The following LARP1 variants were observed in gnomAD, a reference collection of about 807,000 sequenced individuals.
The protein encoded by LARP1 is La ribonucleoprotein 1, translational regulator.
Under a neutral mutation model 122.7 loss-of-function variants are expected in LARP1, and 36 were observed. The ratio of observed to expected loss-of-function variants is 0.29; its 90% CI spans 0.22 to 0.39. The LOEUF is 0.39. Ranked by LOEUF, LARP1 falls within the 10% of genes least tolerant of loss-of-function variation. The pLI is 1.00. For missense variants in LARP1, 1,040 were observed against 1,403.6 expected, an observed-to-expected ratio of 0.74 and a Z score of 4.14; for synonymous variants, 539 against 528.7, an observed-to-expected ratio of 1.02 and a Z score of -0.27.
chr5:154,694,440 A>G (rs765439847), intron 1 of LARP1, among the ~76,000 whole-genome samples: 8 of 150,364 alleles, frequency 5.3e-5, no homozygotes, highest in Middle Eastern at 6.8e-3. Context: ...TTTTTATTTT[A>G]GTAGAGATGA....
chr5:154,748,220 TTTAGCAC>T (rs1230430543), intron 1 of LARP1, among the ~76,000 whole-genome samples: 1 of 152,200 alleles, frequency 6.6e-6, no homozygotes, highest in African/African-American at 2.4e-5. Flanking sequence ...ATAAATATAA[TTTAGCAC>T]TTGGCCTTTG....
At chr5:154,777,134 T>A (rs1232200816) in intron 1 of LARP1, among the ~76,000 whole-genome samples, 3 of 152,154 alleles carry the variant, frequency 2.0e-5, no homozygotes, top group African/African-American at 7.2e-5. Context: ...TACAAACCTG[T>A]GTAGCATGTT....
chr5:154,697,948 C>T (rs1754541191), intron 1 of LARP1, among the ~76,000 whole-genome samples: 1 of 152,098 alleles, frequency 6.6e-6, no homozygotes, highest in African/African-American at 2.4e-5. Flanking sequence ...GCCTCAGTCT[C>T]CCAAGTAGCT....
At chr5:154,792,155 A>G in intron 3 of LARP1, 1 of 341,490 alleles carries the variant, frequency 2.9e-6, no homozygotes, top group African/African-American at 2.1e-5. Flanking sequence ...CTTGGGGCCT[A>G]GCAAAGAGAG....
At chr5:154,692,679 C>T (rs562710603) in intron 1 of LARP1, among the ~76,000 whole-genome samples, 1 of 152,276 alleles carries the variant, frequency 6.6e-6, no homozygotes, top group East Asian at 1.9e-4. Context: ...TCATCATCAC[C>T]TAGGGACCAC....
intron 8 of LARP1, among the ~76,000 whole-genome samples, chr5:154,795,999 T>C (rs1198162237): frequency 2.0e-5 from 2 of 101,038 alleles, no homozygotes; most frequent in Non-Finnish European, 3.7e-5. Context: ...TATATTTTTA[T>C]ATATATTATA....
intron 1 of LARP1, among the ~76,000 whole-genome samples, chr5:154,740,393 C>CAAA (rs538295324): frequency 1.2e-4 from 9 of 73,406 alleles, no homozygotes; most frequent in African/African-American, 3.6e-4. Flanking sequence ...AACTCTGTCT[C>CAAA]AAAAAAAAAA....
chr5:154,701,690 C>G lies in LARP1; in HGVS notation c.-180+18653C>G, dbSNP rs190163887. Among the ~76,000 whole-genome samples, 8 of 149,944 alleles carry G rather than the reference C, an allele frequency of 5.3e-5. No individual in the cohort carries two copies. In the East Asian group the frequency reaches 1.4e-3, roughly 26 times the overall value. ...GGGCTGGAGTGCAGTGGTGTGATCTCAGCTCACTGCAACCTCCGCCTCCCA... is the reference window on the plus strand; with the variant it reads ...GGGCTGGAGTGCAGTGGTGTGATCTGAGCTCACTGCAACCTCCGCCTCCCA... On this transcript the variant is annotated intron_variant, in intron 1 of 18. Coordinates refer to the LARP1 transcript ENST00000687700.
intron 8 of LARP1, among the ~76,000 whole-genome samples, chr5:154,798,444 C>G (rs1004580193): frequency 1.3e-5 from 2 of 152,236 alleles, no homozygotes; most frequent in African/African-American, 4.8e-5. Flanking sequence ...AGATATTCCT[C>G]ATTCCTGTGT....
At chr5:154,784,152 G>A (rs970237484) in intron 1 of LARP1, among the ~76,000 whole-genome samples, 2 of 152,330 alleles carry the variant, frequency 1.3e-5, no homozygotes, top group African/African-American at 4.8e-5. Context: ...GACAAGCAAA[G>A]CCTCTTCTGG....
At chr5:154,707,581 A>T (rs1464334438) in intron 1 of LARP1, among the ~76,000 whole-genome samples, 2 of 152,208 alleles carry the variant, frequency 1.3e-5, no homozygotes, top group Non-Finnish European at 1.5e-5. Context: ...AGCAGTCCTT[A>T]ACCTTTTTGG....
chr5:154,761,225 G>A (rs936477540), intron 1 of LARP1, among the ~76,000 whole-genome samples: 2 of 152,200 alleles, frequency 1.3e-5, no homozygotes, highest in African/African-American at 4.8e-5. Flanking sequence ...CAGGTAGTTT[G>A]AGTTTCATAC....
At chr5:154,796,028 AT>A (rs1382388695) in intron 8 of LARP1, among the ~76,000 whole-genome samples, 4 of 100,034 alleles carry the variant, frequency 4.0e-5, no homozygotes, top group East Asian at 2.4e-4. Flanking sequence ...TATTATATAT[AT>A]TTTTATATAT....
rs1265820983 is a variant in LARP1, at chr5:154,794,173, C to T, written c.1143C>T (p.Asn381=). 2 of 1,614,198 alleles carry T rather than the reference C, an allele frequency of 1.2e-6. No individual in the cohort carries two copies. Among genetic ancestry groups the T allele is most frequent in the East Asian group, 4.5e-5 (2 of 44,888 alleles). ...VEGPRTPKYM[N]NITYYFDNVS... Reference sequence around the variant, plus strand: ...GGCCTCGTACGCCCAAGTACATGAACAACATCACCTACTACTTTGACAATG... The same window carrying T: ...GGCCTCGTACGCCCAAGTACATGAATAACATCACCTACTACTTTGACAATG... Residue 381 remains asparagine, a synonymous_variant, in exon 7 of 19, where the codon AAC becomes AAT. Coordinates refer to ENST00000518297, the MANE Select transcript of LARP1 (RefSeq NM_033551.3).
At chr5:154,704,663 A>T (rs1255238966) in intron 1 of LARP1, among the ~76,000 whole-genome samples, 1 of 151,710 alleles carries the variant, frequency 6.6e-6, no homozygotes, top group Non-Finnish European at 1.5e-5. Flanking sequence ...AAAAAAAAAA[A>T]AAAAGCTTCT....
Position 154,794,087 on chromosome 5 carries a change from G to A in LARP1, c.1070-13G>A, listed in dbSNP as rs182483949. 25 of 1,613,942 alleles carry A rather than the reference G, an allele frequency of 1.5e-5. No homozygotes were observed. Among genetic ancestry groups the A allele is most frequent in the African/African-American group, 4.0e-5 (3 of 75,040 alleles). ...GAATCTCCTCTCCCTCATGGCACCCGTTTCCCCCATAGCCCATTTTGACTA... is the reference window on the plus strand; with the variant it reads ...GAATCTCCTCTCCCTCATGGCACCCATTTCCCCCATAGCCCATTTTGACTA... On this transcript the variant is annotated splice_polypyrimidine_tract_variant and intron_variant, in intron 6 of 18. Coordinates refer to ENST00000518297, the MANE Select transcript of LARP1 (RefSeq NM_033551.3).
At chr5:154,695,831 C>G (rs534420512) in intron 1 of LARP1, among the ~76,000 whole-genome samples, 67 of 151,858 alleles carry the variant, frequency 4.4e-4, no homozygotes, top group African/African-American at 1.6e-3. Flanking sequence ...CAAGATCGTG[C>G]CGCTGCACTC....
rs1210469620 is a variant in LARP1 at position 154,756,159 on chromosome 5, G to A, written c.402G>A (p.Pro134=). 2 of 1,314,300 alleles carry A rather than the reference G, an allele frequency of 1.5e-6. No individual in the cohort carries two copies. Among genetic ancestry groups the A allele is most frequent in the South Asian group, 1.2e-5 (1 of 84,140 alleles). 81.4% of individuals were successfully genotyped at this position (1,314,300 alleles called of 1,614,324 possible). The change falls in exon 1 of 19, where the codon CCG becomes CCA. Residue 134 remains proline, a synonymous_variant. Transcript: ENST00000518297. ...VNPWTKNALP[P]VLTTVNGQSP... ...CGTGGACTAAGAACGCATTGCCGCC[G>A]GTCCTGACCACCGTGAACGGACAGT...
At position 154,811,249 on chromosome 5, in the gene LARP1, A is replaced by G. The variant is rs761285932; in HGVS notation, c.2846A>G (p.Tyr949Cys). 6.2e-7 allele frequency: 1 copy of G among 1,613,240 alleles called. No homozygotes were observed. Among genetic ancestry groups the G allele is most frequent in the Non-Finnish European group, 8.5e-7 (1 of 1,179,170 alleles). Residue 949 changes from tyrosine (Y) to cysteine (C), a missense_variant and splice_region_variant, in exon 17 of 19, where the codon TAT (tyrosine) becomes TGT (cysteine). Tyr to Cys is a radical substitution (Grantham distance 194, BLOSUM62 -2). Coordinates refer to ENST00000518297, the MANE Select transcript of LARP1 (RefSeq NM_033551.3). ...ALEDAKEGYRYGLECLFRYYS... is the reference protein window; with the variant it reads ...ALEDAKEGYRCGLECLFRYYS... ...TTTCACTGACTTGTGTTCTACAGAT[A>G]TGGTTTGGAGTGCCTTTTTCGATAC...
Sources: allele counts gnomAD v4.1 joint callset (sites outside exome capture counted in the v4.1 genomes callset), GRCh38; gene constraint gnomAD v4.1.1; transcripts MANE v1.5; gene names NCBI Gene and HGNC (gene_info 2026-07-23, HGNC 2026-07-21).